TLK2: variants seen among roughly 807,000 people sequenced by gnomAD.
The protein encoded by TLK2 is serine/threonine-protein kinase tousled-like 2.
In TLK2, 6 loss-of-function variants were observed where a neutral mutation model predicts 117.3. That is an observed-to-expected ratio of 0.05 (90% CI 0.03 to 0.10). The LOEUF (loss-of-function observed/expected upper bound fraction) is 0.10. Ranked by LOEUF, TLK2 falls within the 10% of genes least tolerant of loss-of-function variation. The pLI, the probability that TLK2 is intolerant of heterozygous loss-of-function variation, is 1.00. For synonymous variants in TLK2, 257 were observed against 316.7 expected (o/e 0.81, Z 2.00); for missense variants, 299 against 901.2 (o/e 0.33, Z 8.56).
At chr17:62,539,781 A>G (rs1189160385) in intron 7 of TLK2, among the ~76,000 whole-genome samples, 5 of 151,948 alleles carry the variant, frequency 3.3e-5, no homozygotes, top group Non-Finnish European at 5.9e-5. Context: ...GGGATTACAG[A>G]CGGGAGCCAC....
intron 2 of TLK2, among the ~76,000 whole-genome samples, chr17:62,491,371 CAAAT>C (rs2073095344): frequency 6.6e-6 from 1 of 152,036 alleles, no homozygotes; most frequent in South Asian, 2.1e-4. Context: ...AGAGGGAAAA[CAAAT>C]AAGGTATATT....
At chr17:62,595,872 C>G (rs1264911824) in intron 16 of TLK2, among the ~76,000 whole-genome samples, 1 of 151,928 alleles carries the variant, frequency 6.6e-6, no homozygotes, top group African/African-American at 2.4e-5. Flanking sequence ...AAAAATGACC[C>G]CTTTGATGTT....
intron 7 of TLK2, among the ~76,000 whole-genome samples, chr17:62,548,848 T>C (rs1011349163): frequency 2.2e-4 from 34 of 151,686 alleles, no homozygotes; most frequent in African/African-American, 7.3e-4. Context: ...GCAGTTCTCC[T>C]GCCTCAGCCT....
chr17:62,564,875 T>G, intron 10 of TLK2, 126 bp from the exon 11 acceptor site: 5 of 1,213,272 alleles, frequency 4.1e-6, no homozygotes, highest in Non-Finnish European at 5.6e-6. Context: ...CATTACTGAC[T>G]GTTCTGAGAA....
At chr17:62,512,894 TAGA>T (rs1164156857) in intron 2 of TLK2, among the ~76,000 whole-genome samples, 8 of 147,816 alleles carry the variant, frequency 5.4e-5, no homozygotes, top group African/African-American at 2.0e-4. Flanking sequence ...TTATTATTAT[TAGA>T]GACGAAGTTT....
chr17:62,605,144 G>A (rs902856252), intron 19 of TLK2, among the ~76,000 whole-genome samples: 7 of 151,888 alleles, frequency 4.6e-5, no homozygotes, highest in Admixed American at 1.3e-4. Flanking sequence ...TGGCTAACAC[G>A]GTGAAACCCT....
chr17:62,562,610 G>C (rs2146388686), intron 10 of TLK2, among the ~76,000 whole-genome samples: 1 of 152,242 alleles, frequency 6.6e-6, no homozygotes, highest in South Asian at 2.1e-4. Context: ...GCGTGAGATA[G>C]TACTACAAAC....
chr17:62,549,419 A>AAAAAAAAAAAAAAAAT (rs1555630562), intron 7 of TLK2, among the ~76,000 whole-genome samples: 10 of 7,758 alleles, frequency 1.3e-3, no homozygotes, highest in Non-Finnish European at 4.3e-3. Flanking sequence ...AAAAAAAAAA[A>AAAAAAAAAAAAAAAAT]AAAAAAAAAA....
chr17:62,512,861 A>AATTATTATT (rs35048188), intron 2 of TLK2, among the ~76,000 whole-genome samples: 37,636 of 140,912 alleles, frequency 0.27, 5,570 homozygotes, highest in East Asian at 0.45. Context: ...AAAATTTATT[A>AATTATTATT]ATTATTATTA....
At chr17:62,582,809 T>G (rs1163223875) in intron 15 of TLK2, among the ~76,000 whole-genome samples, 3 of 152,196 alleles carry the variant, frequency 2.0e-5, no homozygotes, top group African/African-American at 7.2e-5. Context: ...CTCCTTGTCC[T>G]TGGAACCATT....
At chr17:62,521,275 C>T (rs1000331971) in intron 3 of TLK2, among the ~76,000 whole-genome samples, 5 of 152,102 alleles carry the variant, frequency 3.3e-5, no homozygotes, top group East Asian at 1.9e-4. Context: ...GTGGCCCTCA[C>T]GGGTTTTTAT....
At chr17:62,571,216 C>A (rs2080262283) in intron 11 of TLK2, among the ~76,000 whole-genome samples, 1 of 152,138 alleles carries the variant, frequency 6.6e-6, no homozygotes, top group Non-Finnish European at 1.5e-5. Flanking sequence ...TCCTCAGATA[C>A]CAAAATCCAT....
intron 6 of TLK2, among the ~76,000 whole-genome samples, chr17:62,525,197 A>G (rs2076288599): frequency 6.6e-6 from 1 of 152,174 alleles, no homozygotes; most frequent in African/African-American, 2.4e-5. Flanking sequence ...TTTTTATTTT[A>G]GATCACTGAT....
At chr17:62,478,761 C>CT (rs202074617), upstream of TLK2, among the ~76,000 whole-genome samples, 123,314 of 133,190 alleles carry the variant, frequency 0.93, 57,673 homozygotes, top group Non-Finnish European at 0.99. Context: ...GGACCCCCCC[C>CT]GCCTCCCAGC....
At chr17:62,514,632 G>T (rs1434235404) in intron 2 of TLK2, among the ~76,000 whole-genome samples, 1 of 148,184 alleles carries the variant, frequency 6.7e-6, no homozygotes, top group Non-Finnish European at 1.5e-5. Context: ...AGGCTGGAGT[G>T]CAGTGGCGCG....
intron 12 of TLK2, among the ~76,000 whole-genome samples, chr17:62,575,456 CTTCT>C (rs374735727): frequency 2.0e-5 from 3 of 152,236 alleles, no homozygotes; most frequent in East Asian, 3.9e-4. Flanking sequence ...TGAGTTTCTT[CTTCT>C]TTCTATTTTT....
At chr17:62,538,519 A>T (rs548376294) in intron 7 of TLK2, among the ~76,000 whole-genome samples, 27 of 152,356 alleles carry the variant, frequency 1.8e-4, no homozygotes, top group African/African-American at 6.5e-4. Context: ...AGTTAAATAC[A>T]CAAGATTTGG....
In TLK2 at chr17:62,580,147, G is replaced by A. The variant is rs762100408; in HGVS notation, c.1323G>A (p.Leu441=). 15 of 1,613,300 alleles carry A rather than the reference G, an allele frequency of 9.3e-6. No homozygotes were observed. Among genetic ancestry groups the A allele is most frequent in the Non-Finnish European group, 1.3e-5 (15 of 1,179,640 alleles). The change falls in exon 15 of 22, where the codon TTG becomes TTA. Residue 441 remains leucine, a synonymous_variant. Coordinates refer to ENST00000346027, the MANE Select transcript of TLK2 (RefSeq NM_006852.6). ...ATCCAACGCTAAATGACAGATATTT[G>A]TTGTTACATCTTTTGGGTAGAGGAG... ...KDHPTLNDRY[L]LLHLLGRGGF... is the part of the protein sequence containing the mutation.
At chr17:62,601,520 A>T (rs1437851577) in intron 18 of TLK2, among the ~76,000 whole-genome samples, 1 of 152,214 alleles carries the variant, frequency 6.6e-6, no homozygotes. Context: ...AGATGACTAA[A>T]ACATTAATTA....
Sources: gnomAD v4.1 joint callset for allele counts (sites outside exome capture counted in the v4.1 genomes callset) on GRCh38, gnomAD v4.1.1 for gene constraint, MANE v1.5 for transcripts, NCBI Gene and HGNC (gene_info 2026-07-23, HGNC 2026-07-21) for gene names.